Variants in THEMIS observed in about 807,000 individuals in gnomAD.
THEMIS encodes the protein protein THEMIS.
In THEMIS, 37 loss-of-function variants were observed where a neutral mutation model predicts 52.6. That is an observed-to-expected ratio of 0.70 (90% CI 0.54 to 0.93). The LOEUF is 0.93. Ranked by LOEUF, THEMIS falls within the 40% of genes least tolerant of loss-of-function variation. The pLI, the probability that THEMIS is intolerant of heterozygous loss-of-function variation, is 0.00. For synonymous variants in THEMIS, 292 were observed against 272.7 expected (o/e 1.07, Z -0.70); for missense variants, 808 against 763.1 (o/e 1.06, Z -0.69).
intron 1 of THEMIS, among the ~76,000 whole-genome samples, chr6:127,888,073 T>C (rs1780699243): frequency 6.6e-6 from 1 of 152,042 alleles, no homozygotes; most frequent in South Asian, 2.1e-4. Flanking sequence ...GTCGATGTCC[T>C]GAAGAAGAGT....
intron 4 of THEMIS, among the ~76,000 whole-genome samples, chr6:127,783,860 A>G (rs1776832515): frequency 6.6e-6 from 1 of 152,208 alleles, no homozygotes; most frequent in African/African-American, 2.4e-5. Flanking sequence ...CTGAAATACC[A>G]TTTGACCCAG....
At chr6:127,767,604 T>C (rs1439789704) in intron 4 of THEMIS, among the ~76,000 whole-genome samples, 1 of 152,164 alleles carries the variant, frequency 6.6e-6, no homozygotes, top group African/African-American at 2.4e-5. Flanking sequence ...TCAACTCCTT[T>C]GGTAACAATG....
At chr6:127,805,554 G>GT (rs1777673750) in intron 4 of THEMIS, among the ~76,000 whole-genome samples, 2 of 151,418 alleles carry the variant, frequency 1.3e-5, no homozygotes, top group African/African-American at 4.9e-5. Flanking sequence ...TTCTTCTTAC[G>GT]TTTTTTACTT....
intron 2 of THEMIS, among the ~76,000 whole-genome samples, chr6:127,835,638 T>C (rs1287538785): frequency 6.6e-6 from 1 of 152,118 alleles, no homozygotes; most frequent in African/African-American, 2.4e-5. Context: ...AATTGGTACC[T>C]ATGTAATTTC....
chr6:127,885,540 A>G (rs1369316568), intron 1 of THEMIS, among the ~76,000 whole-genome samples: 1 of 149,334 alleles, frequency 6.7e-6, no homozygotes, highest in Admixed American at 6.8e-5. Context: ...TACTTCATTC[A>G]TTTTCTAGAA....
intron 4 of THEMIS, among the ~76,000 whole-genome samples, chr6:127,799,087 T>C (rs1158509350): frequency 6.6e-6 from 1 of 151,630 alleles, no homozygotes; most frequent in Non-Finnish European, 1.5e-5. Flanking sequence ...AGCCAAATAC[T>C]AAATGTATAA....
intron 4 of THEMIS, among the ~76,000 whole-genome samples, chr6:127,762,413 C>A (rs1433171285): frequency 3.3e-5 from 5 of 151,998 alleles, no homozygotes; most frequent in Non-Finnish European, 7.4e-5. Context: ...AGAACTGAAA[C>A]AATAACAAAT....
At chr6:127,850,103 A>G (rs1259996972) in intron 2 of THEMIS, among the ~76,000 whole-genome samples, 2 of 152,098 alleles carry the variant, frequency 1.3e-5, no homozygotes, top group Non-Finnish European at 2.9e-5. Flanking sequence ...TTCTCAAAAG[A>G]CTATACACAT....
downstream of THEMIS, among the ~76,000 whole-genome samples, chr6:127,704,513 A>G (rs1479653938): frequency 6.6e-6 from 1 of 152,218 alleles, no homozygotes; most frequent in African/African-American, 2.4e-5. Context: ...ATGACATTTT[A>G]TCACAGAACT....
intron 4 of THEMIS, among the ~76,000 whole-genome samples, chr6:127,794,546 T>G (rs2114535162): frequency 6.6e-6 from 1 of 152,322 alleles, no homozygotes; most frequent in Middle Eastern, 3.4e-3. Flanking sequence ...CATGCTGGTC[T>G]TCTACTTCAG....
chr6:127,891,311 A>G lies in THEMIS; in HGVS notation c.91+9531T>C, dbSNP rs778875555. On this transcript the variant is annotated intron_variant, in intron 1 of 5. Transcript: ENST00000368248. ...TTTGGGAGGCCAAGGCAGATGGATC[A>G]CCTGAGGTCAGGAGTTCAAGACCAG... Among the ~76,000 whole-genome samples the G allele has an allele frequency of 5.9e-5, 9 of 152,140 alleles. No individual in the cohort carries two copies. In the East Asian group the frequency reaches 1.6e-3, roughly 26 times the overall value.
chr6:127,822,111 A>G (rs1778360739), intron 3 of THEMIS, among the ~76,000 whole-genome samples: 1 of 151,968 alleles, frequency 6.6e-6, no homozygotes, highest in Non-Finnish European at 1.5e-5. Flanking sequence ...TCTCAAAAGT[A>G]TGAACTTCAT....
chr6:127,723,635 C>T (rs1167694130), intron 4 of THEMIS, among the ~76,000 whole-genome samples: 1 of 151,940 alleles, frequency 6.6e-6, no homozygotes, highest in Non-Finnish European at 1.5e-5. Flanking sequence ...AATGTCCTTT[C>T]AGGTCCACAA....
chr6:127,805,508 A>G (rs1777672033), intron 4 of THEMIS, among the ~76,000 whole-genome samples: 3 of 151,936 alleles, frequency 2.0e-5, no homozygotes, highest in Admixed American at 6.6e-5. Context: ...GTTCATTTTC[A>G]CTTTCTACTC....
At chr6:127,746,339 G>C (rs960555539) in intron 4 of THEMIS, among the ~76,000 whole-genome samples, 1 of 151,690 alleles carries the variant, frequency 6.6e-6, no homozygotes, top group Non-Finnish European at 1.5e-5. Flanking sequence ...TACTACTAAG[G>C]AGGAAGCAAA....
intron 2 of THEMIS, among the ~76,000 whole-genome samples, chr6:127,837,797 G>A (rs1373709992): frequency 1.3e-5 from 2 of 151,952 alleles, no homozygotes; most frequent in Admixed American, 6.6e-5. Flanking sequence ...CTCTACTATA[G>A]ACACTTCATT....
intron 2 of THEMIS, among the ~76,000 whole-genome samples, chr6:127,851,719 G>T (rs953252882): frequency 1.3e-5 from 2 of 151,682 alleles, no homozygotes; most frequent in Non-Finnish European, 3.0e-5. Flanking sequence ...TGGAACAAAA[G>T]AAACTCTCAT....
intron 4 of THEMIS, among the ~76,000 whole-genome samples, chr6:127,767,892 G>A (rs895754065): frequency 7.2e-5 from 11 of 152,122 alleles, no homozygotes; most frequent in African/African-American, 2.7e-4. Context: ...ACCTCACTAG[G>A]TGAAACAAGT....
chr6:127,734,901 A>G (rs948727594), intron 4 of THEMIS, among the ~76,000 whole-genome samples: 3 of 123,090 alleles, frequency 2.4e-5, no homozygotes, highest in African/African-American at 9.6e-5. Context: ...AAAAAAATAT[A>G]TATATATATA....
Sources: gnomAD v4.1 joint callset for allele counts (sites outside exome capture counted in the v4.1 genomes callset) on GRCh38, gnomAD v4.1.1 for gene constraint, MANE v1.5 for transcripts, NCBI Gene and HGNC (gene_info 2026-07-23, HGNC 2026-07-21) for gene names.